The following STAP1 variants were observed in gnomAD, a reference collection of about 807,000 sequenced individuals.
The protein encoded by STAP1 is signal-transducing adaptor protein 1.
Under a neutral mutation model 37.8 loss-of-function variants are expected in STAP1, and 30 were observed. The ratio of observed to expected loss-of-function variants is 0.79; its 90% confidence interval spans 0.59 to 1.08. The LOEUF is 1.08. STAP1 is among the 50% of genes least tolerant of loss of function. STAP1 has a pLI of 0.00. For missense variants in STAP1, 357 were observed against 349.4 expected, an observed-to-expected ratio of 1.02 and a Z score of -0.17; for synonymous variants, 130 against 116.0, an observed-to-expected ratio of 1.12 and a Z score of -0.78.
chr4:67,583,525 T>C (rs1354991817), intron 5 of STAP1, 49 bp from the exon 6 acceptor site: 1 of 1,535,784 alleles, frequency 6.5e-7, no homozygotes. Flanking sequence ...CAAGTAATGA[T>C]CTTCATCAGT....
At position 67,583,971 on chromosome 4, in the gene STAP1, G is replaced by T. The variant is rs564028971; in HGVS notation, c.659+269G>T. On this transcript the variant is annotated intron_variant, in intron 6 of 8. Transcript: ENST00000265404. ...AAATTAGCCAGGCGTGGTGGCACGT[G>T]CCTGTAGTCCCAGCTACTCGGGAGG... Among the ~76,000 whole-genome samples, 3 of 152,100 alleles carry T rather than the reference G, an allele frequency of 2.0e-5. No homozygotes were observed. In the South Asian group the frequency reaches 6.2e-4, roughly 32 times the overall value.
At chr4:67,574,379 T>C (rs1190454149) in intron 2 of STAP1, among the ~76,000 whole-genome samples, 1 of 152,164 alleles carries the variant, frequency 6.6e-6, no homozygotes, top group Non-Finnish European at 1.5e-5. Context: ...ATATTTGACA[T>C]GAATATTTTC....
Position 67,583,630 on chromosome 4 carries a change from C to T in STAP1, c.587C>T (p.Ser196Phe), listed in dbSNP as rs201684919. 1 of 1,613,850 alleles carries T rather than the reference C, an allele frequency of 6.2e-7. No homozygotes were observed. The highest frequency in any genetic ancestry group is 2.2e-5 in the East Asian group (1 of 44,846). Residue 196 changes from serine (S) to phenylalanine (F), a missense_variant, in exon 6 of 9, where the codon TCT (serine) becomes TTT (phenylalanine). Physicochemically the swap from Ser to Phe is radical, Grantham distance 155. Coordinates refer to ENST00000265404, the MANE Select transcript of STAP1 (RefSeq NM_012108.4). ...EATEMLQKNPSLGNMILRPGS... is the reference protein window; with the variant it reads ...EATEMLQKNPFLGNMILRPGS... ...ACTGAGATGCTCCAGAAGAACCCTT[C>T]TTTGGGAAATATGATCCTGAGGCCT...
intron 1 of STAP1, among the ~76,000 whole-genome samples, chr4:67,559,748 T>G (rs1727292258): frequency 1.3e-5 from 2 of 152,096 alleles, no homozygotes; most frequent in Non-Finnish European, 2.9e-5. Flanking sequence ...TAGAAAAATT[T>G]TAAGGTTTTC....
chr4:67,577,463 T>C (rs1225330504), intron 4 of STAP1, among the ~76,000 whole-genome samples: 1 of 152,156 alleles, frequency 6.6e-6, no homozygotes, highest in African/African-American at 2.4e-5. Flanking sequence ...GATGATCATT[T>C]CACATTGTGA....
chr4:67,594,576 C>T (rs566388228), intron 8 of STAP1, among the ~76,000 whole-genome samples: 2 of 152,108 alleles, frequency 1.3e-5, no homozygotes, highest in Non-Finnish European at 2.9e-5. Context: ...CTGAAGCATT[C>T]CTTCAACTTC....
At chr4:67,560,643 G>GGGTGTGTGT (rs370510074) in intron 1 of STAP1, among the ~76,000 whole-genome samples, 4 of 149,490 alleles carry the variant, frequency 2.7e-5, no homozygotes, top group African/African-American at 9.9e-5. Flanking sequence ...TGTGTGTGTG[G>GGGTGTGTGT]GTGTGTGTCT....
rs769941328 is a variant in STAP1 at position 67,606,549 on chromosome 4, A to G, written c.*192A>G. 12 of 532,074 alleles carry G rather than the reference A, an allele frequency of 2.3e-5. No homozygotes were observed. Among genetic ancestry groups the G allele is most frequent in the African/African-American group, 5.9e-5 (3 of 50,600 alleles). The allele number at this position is 532,074 out of a possible 1,614,324, so 33.0% of individuals were successfully genotyped here. The stretch of plus-strand genomic sequence containing the variant: ...ATCAGAATGAAACCAATTCACAGGG[A>G]AACTAGAGACTACGGCTGTGGTGGT... On this transcript the variant is annotated 3_prime_UTR_variant, in exon 9 of 9. Coordinates refer to ENST00000265404, the MANE Select transcript of STAP1 (RefSeq NM_012108.4).
intron 8 of STAP1, among the ~76,000 whole-genome samples, chr4:67,597,861 C>T (rs1728259148): frequency 6.6e-6 from 1 of 152,182 alleles, no homozygotes; most frequent in South Asian, 2.1e-4. Context: ...TACAGGCTCA[C>T]AGGCAGAAGG....
chr4:67,574,917 A>G (rs955678320), intron 2 of STAP1, among the ~76,000 whole-genome samples: 3 of 152,196 alleles, frequency 2.0e-5, no homozygotes, highest in Non-Finnish European at 4.4e-5. Context: ...TTTCAACCTA[A>G]CAGTATGACC....
chr4:67,559,151 T>G (rs910918936), intron 1 of STAP1, among the ~76,000 whole-genome samples: 10 of 152,294 alleles, frequency 6.6e-5, no homozygotes, highest in Admixed American at 4.6e-4. Context: ...TAACAGAGGT[T>G]GTAATATTAA....
chr4:67,599,636 C>T (rs1728298227), intron 8 of STAP1, among the ~76,000 whole-genome samples: 1 of 150,304 alleles, frequency 6.7e-6, no homozygotes, highest in Admixed American at 6.6e-5. Flanking sequence ...TTTCTTTTTT[C>T]TTTTTCTTTT....
intron 8 of STAP1, 44 bp from the exon 9 acceptor site, chr4:67,606,252 C>T (rs775333874): frequency 1.3e-6 from 2 of 1,529,820 alleles, no homozygotes; most frequent in South Asian, 2.4e-5. Flanking sequence ...CCGTTTTCTA[C>T]AATATTGGTT....
intron 6 of STAP1, among the ~76,000 whole-genome samples, chr4:67,587,719 C>CT (rs34808968): frequency 6.2e-4 from 80 of 128,032 alleles, no homozygotes; most frequent in East Asian, 1.6e-3. Context: ...TTCTTTCTTT[C>CT]TTTTTTTTTT....
chr4:67,565,727 C>A (rs1428647900), intron 1 of STAP1, among the ~76,000 whole-genome samples: 1 of 151,954 alleles, frequency 6.6e-6, no homozygotes, highest in African/African-American at 2.4e-5. Context: ...TGGGGTACTC[C>A]TAGTTTTGGG....
intron 8 of STAP1, among the ~76,000 whole-genome samples, chr4:67,600,772 A>T (rs1313827161): frequency 6.6e-6 from 1 of 152,104 alleles, no homozygotes; most frequent in African/African-American, 2.4e-5. Flanking sequence ...TTTGACTTGA[A>T]ATCTATTTTG....
intron 7 of STAP1, among the ~76,000 whole-genome samples, chr4:67,592,152 T>C (rs1305888089): frequency 6.6e-6 from 1 of 151,970 alleles, no homozygotes; most frequent in Non-Finnish European, 1.5e-5. Context: ...ACAGGGGTCT[T>C]GCTGTGTTGC....
At chr4:67,582,363 G>A (rs1482709796) in intron 5 of STAP1, among the ~76,000 whole-genome samples, 2 of 151,154 alleles carry the variant, frequency 1.3e-5, no homozygotes, top group Admixed American at 1.3e-4. Flanking sequence ...CCAGGCTAGA[G>A]TGCAGCACGA....
intron 8 of STAP1, among the ~76,000 whole-genome samples, chr4:67,603,127 C>T (rs1374968791): frequency 6.6e-6 from 1 of 152,142 alleles, no homozygotes; most frequent in East Asian, 1.9e-4. Flanking sequence ...ATTCATTCCT[C>T]AGGCAGGAGT....
Sources: allele counts gnomAD v4.1 joint callset (sites outside exome capture counted in the v4.1 genomes callset), GRCh38; gene constraint gnomAD v4.1.1; transcripts MANE v1.5; gene names NCBI Gene and HGNC (gene_info 2026-07-23, HGNC 2026-07-21).